AKAP19: variants seen among roughly 807,000 people sequenced by gnomAD.
The protein encoded by AKAP19 is small A-kinase anchoring protein.
chr2:189,904,992 C>T, the AKAP19 span, among the ~76,000 whole-genome samples: 2 of 151,972 alleles, frequency 1.3e-5, no homozygotes, highest in African/African-American at 4.8e-5. Context: ...TGTATCTCTT[C>T]ACTTTTCTAT....
chr2:190,005,324 A>T, the AKAP19 span, among the ~76,000 whole-genome samples: 1 of 152,172 alleles, frequency 6.6e-6, no homozygotes, highest in Non-Finnish European at 1.5e-5. Flanking sequence ...CAGAGTGCTG[A>T]TTGGTCCATT....
chr2:190,106,732 C>T, the AKAP19 span, among the ~76,000 whole-genome samples: 19 of 152,034 alleles, frequency 1.2e-4, no homozygotes, highest in Non-Finnish European at 2.5e-4. Flanking sequence ...ACAGATTCAA[C>T]AATATGCTTT....
chr2:190,072,597 A>G, the AKAP19 span, among the ~76,000 whole-genome samples: 3 of 152,230 alleles, frequency 2.0e-5, no homozygotes, highest in Admixed American at 1.3e-4. Flanking sequence ...CCCATGAAAC[A>G]TTTACTAAAT....
At chr2:190,061,041 G>A in the AKAP19 span, among the ~76,000 whole-genome samples, 5 of 152,046 alleles carry the variant, frequency 3.3e-5, no homozygotes, top group African/African-American at 9.7e-5. Flanking sequence ...TGAAAAGTTC[G>A]AAAGTATTGT....
At chr2:190,191,731 T>C in the AKAP19 span, among the ~76,000 whole-genome samples, 1 of 152,228 alleles carries the variant, frequency 6.6e-6, no homozygotes, top group Non-Finnish European at 1.5e-5. Flanking sequence ...ATTGAGCATC[T>C]TTCATGTACT....
the AKAP19 span, among the ~76,000 whole-genome samples, chr2:190,198,470 G>A: frequency 1.3e-5 from 2 of 151,824 alleles, no homozygotes; most frequent in African/African-American, 4.8e-5. Context: ...GCAAAACCCT[G>A]TCTCTACAAA....
At chr2:189,975,813 TG>T in the AKAP19 span, among the ~76,000 whole-genome samples, 1 of 152,186 alleles carries the variant, frequency 6.6e-6, no homozygotes. Flanking sequence ...GTAGTTCTCG[TG>T]CCATGGTTTT....
the AKAP19 span, among the ~76,000 whole-genome samples, chr2:190,051,958 C>G: frequency 2.0e-5 from 3 of 151,978 alleles, no homozygotes; most frequent in African/African-American, 7.3e-5. Context: ...CTGCCTCAGC[C>G]TCCTCAGTAG....
the AKAP19 span, among the ~76,000 whole-genome samples, chr2:189,999,371 A>G: frequency 6.6e-6 from 1 of 152,130 alleles, no homozygotes; most frequent in African/African-American, 2.4e-5. Flanking sequence ...TACTTTCCAA[A>G]TATTTCAGGA....
the AKAP19 span, among the ~76,000 whole-genome samples, chr2:190,187,725 G>A: frequency 6.6e-6 from 1 of 152,098 alleles, no homozygotes; most frequent in Non-Finnish European, 1.5e-5. Flanking sequence ...ATGGTGGCAC[G>A]TGCCTATAGT....
the AKAP19 span, among the ~76,000 whole-genome samples, chr2:190,084,079 G>A: frequency 6.8e-6 from 1 of 147,396 alleles, no homozygotes; most frequent in South Asian, 2.2e-4. Flanking sequence ...TTGGTCTGGA[G>A]TAGAGCTCAG....
chr2:189,901,181 G>A, the AKAP19 span, among the ~76,000 whole-genome samples: 2 of 151,858 alleles, frequency 1.3e-5, no homozygotes, highest in Non-Finnish European at 2.9e-5. Context: ...TGAACTTGAT[G>A]GTGGTATATT....
At chr2:190,033,778 T>A in the AKAP19 span, among the ~76,000 whole-genome samples, 2 of 152,220 alleles carry the variant, frequency 1.3e-5, no homozygotes, top group Non-Finnish European at 2.9e-5. Context: ...TCTATTTTTT[T>A]CTTCTTTGTT....
the AKAP19 span, among the ~76,000 whole-genome samples, chr2:189,955,126 T>C: frequency 6.6e-6 from 1 of 152,090 alleles, no homozygotes; most frequent in Admixed American, 6.5e-5. Flanking sequence ...GAGTCTCCAG[T>C]GTTCATTATT....
the AKAP19 span, among the ~76,000 whole-genome samples, chr2:190,151,015 A>G: frequency 4.4e-3 from 674 of 152,166 alleles, 1 homozygote; most frequent in Admixed American, 7.0e-3. Flanking sequence ...TTACTTGTCT[A>G]TAAAATTGGC....
chr2:189,924,574 A>C, the AKAP19 span, among the ~76,000 whole-genome samples: 1 of 152,166 alleles, frequency 6.6e-6, no homozygotes, highest in Admixed American at 6.6e-5. Flanking sequence ...ACATAAGTTC[A>C]GTAGTTGCTT....
the AKAP19 span, chr2:189,923,744 G>T: frequency 1.2e-6 from 2 of 1,613,678 alleles, no homozygotes; most frequent in East Asian, 2.2e-5. Flanking sequence ...TCCTCCTATT[G>T]CTCGGGCTGT....
At chr2:189,920,731 T>C in the AKAP19 span, among the ~76,000 whole-genome samples, 1 of 152,174 alleles carries the variant, frequency 6.6e-6, no homozygotes, top group Non-Finnish European at 1.5e-5. Context: ...CCCACAAATT[T>C]CTAGCATACT....
At chr2:189,972,340 T>C in the AKAP19 span, among the ~76,000 whole-genome samples, 1 of 152,228 alleles carries the variant, frequency 6.6e-6, no homozygotes, top group South Asian at 2.1e-4. Flanking sequence ...CATTGATCTA[T>C]ATCTCTGTTT....
Sources: allele counts gnomAD v4.1 joint callset (sites outside exome capture counted in the v4.1 genomes callset), GRCh38; gene constraint gnomAD v4.1.1; transcripts MANE v1.5; gene names NCBI Gene and HGNC (gene_info 2026-07-23, HGNC 2026-07-21).